Variants in RNF43 observed in about 807,000 individuals in gnomAD.
The protein encoded by RNF43 is E3 ubiquitin-protein ligase RNF43.
Under a neutral mutation model 78.4 loss-of-function variants are expected in RNF43, and 37 were observed. The ratio of observed to expected loss-of-function variants is 0.47; its 90% confidence interval spans 0.36 to 0.62. RNF43 has a LOEUF of 0.62. RNF43 is among the 20% of genes least tolerant of loss of function. RNF43 has a pLI of 0.00. For missense variants in RNF43, 774 were observed against 1,007.9 expected (o/e 0.77, Z 3.14); for synonymous variants, 347 against 395.0 (o/e 0.88, Z 1.44).
intron 9 of RNF43, 138 bp from the exon 10 acceptor site, chr17:58,355,124 T>C (rs1972661613): frequency 1.2e-6 from 1 of 807,464 alleles, no homozygotes; most frequent in Non-Finnish European, 2.1e-6. Flanking sequence ...GGTGGTTAGA[T>C]TGAAAGCTAA....
intron 2 of RNF43, among the ~76,000 whole-genome samples, chr17:58,404,160 T>C (rs191309283): frequency 2.2e-4 from 33 of 152,346 alleles, no homozygotes; most frequent in Admixed American, 1.8e-3. Context: ...CTGCTACCTA[T>C]TTATTGTAAG....
At position 58,363,727 on chromosome 17, in the gene RNF43, C is replaced by CA. The variant is rs1309529717; in HGVS notation, c.376-128dup. Reference sequence around the variant, plus strand: ...TGCCCACAGCACATCTTTGCACACTCACATCTACCTATGCAAGGGGTCACT... The same window carrying CA: ...TGCCCACAGCACATCTTTGCACACTCAACATCTACCTATGCAAGGGGTCACT... On this transcript the variant is annotated intron_variant, in intron 3 of 9. Coordinates refer to ENST00000407977, the MANE Select transcript of RNF43 (RefSeq NM_017763.6). 15 of 748,374 alleles carry CA rather than the reference C, an allele frequency of 2.0e-5. No individual in the cohort carries two copies. In the East Asian group the frequency reaches 4.0e-4, roughly 20 times the overall value. The allele number at this position is 748,374 out of a possible 1,614,324, so 46.4% of individuals were successfully genotyped here. A position where few individuals can be genotyped will look rare whatever the true frequency, so the allele number is the denominator to read the frequency against.
At chr17:58,382,226 TC>T (rs1973334990) in intron 2 of RNF43, among the ~76,000 whole-genome samples, 1 of 152,194 alleles carries the variant, frequency 6.6e-6, no homozygotes, top group South Asian at 2.1e-4. Flanking sequence ...AGTTCTTTCC[TC>T]CTTCCTGCAA....
At chr17:58,407,117 C>T (rs1387318595) in intron 2 of RNF43, among the ~76,000 whole-genome samples, 1 of 122,116 alleles carries the variant, frequency 8.2e-6, no homozygotes, top group African/African-American at 3.2e-5. Context: ...CTCATTCTGT[C>T]ACCCAGGCAG....
chr17:58,409,624 T>G (rs902435311), intron 2 of RNF43, among the ~76,000 whole-genome samples: 1 of 152,114 alleles, frequency 6.6e-6, no homozygotes, highest in Non-Finnish European at 1.5e-5. Context: ...CCTCCCACCT[T>G]AGCCTCTCAC....
rs1972816586 is a variant in RNF43, at chr17:58,360,710, G to A, written c.849+73C>T. 1 of 1,494,872 alleles carries A rather than the reference G, an allele frequency of 6.7e-7. No homozygotes were observed. The highest frequency in any genetic ancestry group is 1.3e-5 in the South Asian group (1 of 76,250). The allele number at this position is 1,494,872 out of a possible 1,614,324, so 92.6% of individuals were successfully genotyped here. A position where few individuals can be genotyped will look rare whatever the true frequency, so the allele number is the denominator to read the frequency against. ...GCCAGGGTACCCATACCAGCCCCTA[G>A]GCCTGCCCACCCCTCCCCCAGCTTC... On this transcript the variant is annotated intron_variant, in intron 7 of 9. Coordinates refer to ENST00000407977, the MANE Select transcript of RNF43 (RefSeq NM_017763.6). The surrounding 1 kb of genome is among the most constrained non-coding windows in gnomAD (Gnocchi z 4.3).
At chr17:58,394,794 AT>A (rs1973640736) in intron 2 of RNF43, 2 of 152,348 alleles carry the variant, frequency 1.3e-5, no homozygotes, top group South Asian at 4.1e-4. Context: ...CTCCAGATGC[AT>A]TGGCTCCATT....
rs141997049 is a variant in RNF43 at position 58,360,795 on chromosome 17, G to T, written c.837C>A (p.Phe279Leu). 1 of 1,611,418 alleles carries T rather than the reference G, an allele frequency of 6.2e-7. No homozygotes were observed. Among genetic ancestry groups the T allele is most frequent in the African/African-American group, 1.3e-5 (1 of 74,908 alleles). ...APVCAICLEE[F>L]SEGQELRVIS... ...AGACCTGCCTTACCTGCCCCTCAGA[G>T]AACTCCTCCAGACAGATGGCACACA... The change falls in exon 7 of 10, where the codon TTC becomes TTA. Residue 279 changes from phenylalanine to leucine, a missense_variant. Coordinates refer to ENST00000407977, the MANE Select transcript of RNF43 (RefSeq NM_017763.6). The surrounding 1 kb of genome is among the most constrained non-coding windows in gnomAD (Gnocchi z 4.3).
chr17:58,415,236 A>G, intron 2 of RNF43, 90 bp downstream of exon 2: 1 of 1,373,830 alleles, frequency 7.3e-7, no homozygotes, highest in Middle Eastern at 2.2e-4. Flanking sequence ...AAGCAGTAGA[A>G]GCCCGTGTAT....
chr17:58,374,870 G>A (rs994699629), intron 2 of RNF43, among the ~76,000 whole-genome samples: 1 of 152,068 alleles, frequency 6.6e-6, no homozygotes, highest in African/African-American at 2.4e-5. Flanking sequence ...CTCAAACTCA[G>A]CATGCTCAAG....
intron 5 of RNF43, 136 bp downstream of exon 5, chr17:58,363,139 G>T: frequency 9.1e-7 from 1 of 1,103,834 alleles, no homozygotes; most frequent in Non-Finnish European, 1.3e-6. Flanking sequence ...GAGGCACACA[G>T]CTGATGGATG....
Position 58,360,486 on chromosome 17 carries a change from T to C in RNF43, c.850-235A>G, listed in dbSNP as rs1382642551. Among the ~76,000 whole-genome samples, 2 of 152,074 alleles carry C rather than the reference T, an allele frequency of 1.3e-5. No homozygotes were observed. The highest frequency in any genetic ancestry group is 2.9e-5 in the Non-Finnish European group (2 of 68,000). Reference sequence around the variant, plus strand: ...ACAGTTTTCTGCTGTAAAATGAAGATAAAAAAATGAATCTAACCCCACCCT... The same window carrying C: ...ACAGTTTTCTGCTGTAAAATGAAGACAAAAAAATGAATCTAACCCCACCCT... On this transcript the variant is annotated intron_variant, in intron 7 of 9. Transcript: ENST00000407977. The surrounding 1 kb of genome is among the most constrained non-coding windows in gnomAD (Gnocchi z 4.3).
At chr17:58,371,911 C>T (rs893193816) in intron 2 of RNF43, among the ~76,000 whole-genome samples, 8 of 152,164 alleles carry the variant, frequency 5.3e-5, no homozygotes, top group Admixed American at 5.2e-4. Context: ...TCATTCACAG[C>T]GATTTGTACA....
chr17:58,372,156 G>C (rs888532642), intron 2 of RNF43, among the ~76,000 whole-genome samples: 1 of 152,178 alleles, frequency 6.6e-6, no homozygotes, highest in Non-Finnish European at 1.5e-5. Context: ...AGAGAATCTT[G>C]AATTTATAAA....
intron 5 of RNF43, 52 bp from the exon 6 acceptor site, chr17:58,362,700 C>T: frequency 6.9e-7 from 1 of 1,443,008 alleles, no homozygotes; most frequent in African/African-American, 1.4e-5. Context: ...TGAGCTGGGT[C>T]AATTCGGGAG....
chr17:58,381,735 A>G (rs1973323118), intron 2 of RNF43, among the ~76,000 whole-genome samples: 1 of 152,228 alleles, frequency 6.6e-6, no homozygotes, highest in South Asian at 2.1e-4. Context: ...ATATATAAAT[A>G]GCCTTTTATG....
chr17:58,409,949 C>T (rs987319055), intron 2 of RNF43, among the ~76,000 whole-genome samples: 29 of 152,042 alleles, frequency 1.9e-4, no homozygotes, highest in African/African-American at 7.0e-4. Flanking sequence ...TTACAACACA[C>T]ACACATATAT....
Position 58,362,621 on chromosome 17 carries a change from T to C in RNF43, c.610A>G (p.Thr204Ala), listed in dbSNP as rs1184503934. The change falls in exon 6 of 10, where the codon ACA becomes GCA. Residue 204 changes from threonine (T) to alanine (A), a missense_variant. Transcript: ENST00000407977. ...WPDYDVWILM[T>A]VVGTIFVIIL... is the part of the protein sequence containing the mutation. Reference sequence around the variant, plus strand: ...ATCACAAAGATGGTGCCCACCACTGTCATTAGGATCCACACATCATAATCT... The same window carrying C: ...ATCACAAAGATGGTGCCCACCACTGCCATTAGGATCCACACATCATAATCT... 6.2e-7 allele frequency: 1 copy of C among 1,611,146 alleles called. No homozygotes were observed. Among genetic ancestry groups the C allele is most frequent in the East Asian group, 2.2e-5 (1 of 44,534 alleles).
intron 3 of RNF43, among the ~76,000 whole-genome samples, chr17:58,364,855 C>G (rs1344239155): frequency 6.6e-6 from 1 of 152,226 alleles, no homozygotes; most frequent in Non-Finnish European, 1.5e-5. Flanking sequence ...GGGCAGGTCT[C>G]CTGCCAGGCA....
Sources: gnomAD v4.1 joint callset for allele counts (sites outside exome capture counted in the v4.1 genomes callset) on GRCh38, gnomAD v4.1.1 for gene constraint, Gnocchi (gnomAD v3.1) non-coding constraint, MANE v1.5 for transcripts, NCBI Gene and HGNC (gene_info 2026-07-23, HGNC 2026-07-21) for gene names.